SPTBN4: variants seen among roughly 807,000 people sequenced by gnomAD.
SPTBN4 encodes spectrin beta chain, non-erythrocytic 4.
SPTBN4 carries 96 observed loss-of-function variants against 277.8 expected under a neutral mutation model. The ratio of observed to expected loss-of-function variants is 0.35; its 90% CI spans 0.29 to 0.41. The LOEUF is 0.41. Among genes scored for constraint, SPTBN4 ranks in the 10% least tolerant of loss-of-function variants. The probability of loss-of-function intolerance (pLI) is 1.00; values close to 1 mark genes in which losing one functional copy is unlikely to be tolerated. For missense variants in SPTBN4, 3,006 were observed against 3,595.7 expected (o/e 0.84, Z 4.19); for synonymous variants, 1,481 against 1,580.3 (o/e 0.94, Z 1.49).
In SPTBN4 at chr19:40,567,817, C is replaced by G. The variant is rs1279832757; in HGVS notation, c.6491C>G (p.Ala2164Gly). ...ERGLEPLARR[A>G]SDTLSAEVRT... The stretch of plus-strand genomic sequence containing the variant: ...GGCTTGGAGCCCCTGGCCCGCCGAG[C>G]CTCGGACACGCTCTCGGCCGAGGTG... Residue 2164 changes from alanine to glycine, a missense_variant, in exon 31 of 36, where the codon GCC becomes GGC. Coordinates refer to ENST00000598249, the MANE Select transcript of SPTBN4 (RefSeq NM_020971.3). 1 of 1,516,480 alleles carries G rather than the reference C, an allele frequency of 6.6e-7. No individual in the cohort carries two copies. 93.9% of individuals were successfully genotyped at this position (1,516,480 alleles called of 1,614,324 possible).
At chr19:40,505,935 C>T (rs1435749177) in intron 12 of SPTBN4, among the ~76,000 whole-genome samples, 3 of 152,008 alleles carry the variant, frequency 2.0e-5, no homozygotes, top group African/African-American at 7.2e-5. Flanking sequence ...ATGTGGAGTC[C>T]ACGAGAGATG....
rs751529656 is a variant in SPTBN4, at chr19:40,554,671, C to A, written c.5084+25C>A. The A allele has an allele frequency of 2.5e-6, 4 of 1,593,352 alleles. No individual in the cohort carries two copies. The highest frequency in any genetic ancestry group is 3.4e-6 in the Non-Finnish European group (4 of 1,171,216). Reference sequence around the variant, plus strand: ...GGTGGGCGGGCGCGTGGCCAGTTCACAGGAATGGTCCAGCAGGACCTGAAG... The same window carrying A: ...GGTGGGCGGGCGCGTGGCCAGTTCAAAGGAATGGTCCAGCAGGACCTGAAG... On this transcript the variant is annotated intron_variant, in intron 24 of 35. Coordinates refer to ENST00000598249, the MANE Select transcript of SPTBN4 (RefSeq NM_020971.3). The surrounding 1 kb of genome is among the most constrained non-coding windows in gnomAD (Gnocchi z 5.7).
intron 2 of SPTBN4, among the ~76,000 whole-genome samples, chr19:40,478,691 G>T (rs1043899927): frequency 2.0e-5 from 3 of 151,946 alleles, no homozygotes; most frequent in African/African-American, 7.3e-5. Flanking sequence ...TATTACAGGC[G>T]CCCGTCACCA....
chr19:40,503,640 A>T (rs2080288632), intron 11 of SPTBN4, among the ~76,000 whole-genome samples, 190 bp from the exon 12 acceptor site: 1 of 150,744 alleles, frequency 6.6e-6, no homozygotes, highest in Non-Finnish European at 1.5e-5. Flanking sequence ...CCAAGGTAAC[A>T]ATGGAGGGTG....
chr19:40,562,711 G>A (rs527881884), intron 27 of SPTBN4, among the ~76,000 whole-genome samples: 2 of 151,986 alleles, frequency 1.3e-5, no homozygotes, highest in East Asian at 1.9e-4. Context: ...GCACATGCCT[G>A]TAATCCCAGC....
intron 16 of SPTBN4, among the ~76,000 whole-genome samples, chr19:40,522,368 T>TTTTTTTTTG (rs2080537686): frequency 8.6e-6 from 1 of 116,572 alleles, no homozygotes; most frequent in Non-Finnish European, 1.8e-5. Flanking sequence ...TTTTTTTTTT[T>TTTTTTTTTG]GAGATGGGGT....
At chr19:40,496,285 G>C (rs1481911806) in intron 6 of SPTBN4, among the ~76,000 whole-genome samples, 1 of 152,156 alleles carries the variant, frequency 6.6e-6, no homozygotes, top group Non-Finnish European at 1.5e-5. Flanking sequence ...GAGTAGCTAG[G>C]ATTACAGGCG....
rs367981746 is a variant in SPTBN4 at position 40,471,870 on chromosome 19, C to G, written c.-15-737C>G. ...CCTCACACCTCAGCCTCCTGAGTAG[C>G]TGGGATTACAGGCACGTTGCCACCA... is the stretch of plus-strand genomic sequence containing the variant. On this transcript the variant is annotated intron_variant, in intron 1 of 35. Coordinates refer to ENST00000598249, the MANE Select transcript of SPTBN4 (RefSeq NM_020971.3). 1.8e-4 allele frequency among the ~76,000 whole-genome samples: 27 copies of G among 150,364 alleles called. 1 individual carries two copies. In the South Asian group the frequency reaches 5.7e-3, roughly 32 times the overall value.
intron 16 of SPTBN4, 31 bp from the exon 17 acceptor site, chr19:40,523,406 T>C: frequency 6.4e-7 from 1 of 1,561,884 alleles, no homozygotes. Context: ...GGAATGAGGC[T>C]GACCTTTGCA....
rs2080124948 is a variant in SPTBN4 at position 40,490,470 on chromosome 19, T to G, written c.495+222T>G. On this transcript the variant is annotated intron_variant, in intron 4 of 35. Coordinates refer to ENST00000598249, the MANE Select transcript of SPTBN4 (RefSeq NM_020971.3). This position sits in a 1 kb window ranked among gnomAD's most constrained non-coding sequence, Gnocchi z 4.3. ...TGTTCCAAACACTGTTCTAAGCACT[T>G]GACATTTAATACACACAGCAACCCC... Among the ~76,000 whole-genome samples, 1 of 152,162 alleles carries G rather than the reference T, an allele frequency of 6.6e-6. No individual in the cohort carries two copies. The highest frequency in any genetic ancestry group is 2.1e-4 in the South Asian group (1 of 4,832).
At chr19:40,558,282 G>A (rs576367617) in intron 26 of SPTBN4, among the ~76,000 whole-genome samples, 125 of 151,924 alleles carry the variant, frequency 8.2e-4, no homozygotes, top group African/African-American at 2.0e-3. Flanking sequence ...GCTTGAACCC[G>A]GGAGGCGGAG....
rs1456553130 is a variant in SPTBN4 at position 40,504,107 on chromosome 19, T to C, written c.1640T>C (p.Met547Thr). Residue 547 changes from methionine to threonine, a missense_variant, in exon 12 of 36, where the codon ATG becomes ACG. Met to Thr is a moderately conservative substitution (Grantham distance 81). Coordinates refer to ENST00000598249, the MANE Select transcript of SPTBN4 (RefSeq NM_020971.3). ...LQKVFQEMVY[M>T]VDWMEEMQAQ... ...AAGGTCTTCCAGGAGATGGTGTACA[T>C]GGTGGACTGGATGGAGGAGATGCAG... is the stretch of plus-strand genomic sequence containing the variant. 4.5e-6 allele frequency: 6 copies of C among 1,342,360 alleles called. No homozygotes were observed. In the African/African-American group the frequency reaches 7.5e-5, roughly 17 times the overall value. The allele number at this position is 1,342,360 out of a possible 1,614,324, so 83.2% of individuals were successfully genotyped here.
At position 40,557,132 on chromosome 19, in the gene SPTBN4, C is replaced by G. The variant is rs779832414; in HGVS notation, c.5399C>G (p.Thr1800Arg). The G allele has an allele frequency of 3.1e-6, 5 of 1,611,156 alleles. No homozygotes were observed. In the Admixed American group the frequency reaches 8.3e-5, roughly 27 times the overall value. ...MVDELIECGH[T>R]AAATMAEWKD... ...GATGAGCTGATCGAGTGTGGCCATACAGCAGCGGCCACCATGGCCGAGTGG... is the reference window on the plus strand; with the variant it reads ...GATGAGCTGATCGAGTGTGGCCATAGAGCAGCGGCCACCATGGCCGAGTGG... The change falls in exon 26 of 36, where the codon ACA becomes AGA. Residue 1800 changes from threonine to arginine, a missense_variant. Transcript: ENST00000598249.
At chr19:40,497,310 C>T (rs1458027955) in intron 6 of SPTBN4, 179 bp from the exon 7 acceptor site, 6 of 597,016 alleles carry the variant, frequency 1.0e-5, no homozygotes, top group South Asian at 5.8e-5. Flanking sequence ...GACATGCCCG[C>T]GTCCATCACA....
chr19:40,509,596 C>T (rs1252111039), intron 13 of SPTBN4, among the ~76,000 whole-genome samples: 2 of 152,116 alleles, frequency 1.3e-5, no homozygotes, highest in African/African-American at 4.8e-5. Flanking sequence ...TGAGTGCTGA[C>T]GGCAGTTGGG....
chr19:40,519,476 G>A lies in SPTBN4; in HGVS notation c.2979G>A (p.Val993=). 2 of 1,608,180 alleles carry A rather than the reference G, an allele frequency of 1.2e-6. No individual in the cohort carries two copies. The highest frequency in any genetic ancestry group is 2.2e-5 in the South Asian group (2 of 90,306). ...MSAVLLVENH[V]LEVAEVRAQV... ...CGGTGCTGCTGGTGGAGAACCACGT[G>A]CTGGAGGTGGCCGAGGTGCGCGCCC... The change falls in exon 16 of 36, where the codon GTG becomes GTA. Residue 993 remains valine (V), a synonymous_variant. Coordinates refer to ENST00000598249, the MANE Select transcript of SPTBN4 (RefSeq NM_020971.3). This position sits in a 1 kb window ranked among gnomAD's most constrained non-coding sequence, Gnocchi z 5.7.
chr19:40,565,429 G>A lies in SPTBN4; in HGVS notation c.5922G>A (p.Val1974=). ...QIGAADKPRD[V]SSVEVLMNYH... ...TGCCTGCCACCCACTGCAGGGACGT[G>A]TCATCAGTGGAGGTGCTCATGAACT... The change falls in exon 28 of 36, where the codon GTG becomes GTA. Residue 1974 remains valine (V), a synonymous_variant. Transcript: ENST00000598249. 3.1e-6 allele frequency: 5 copies of A among 1,613,354 alleles called. No homozygotes were observed. Among genetic ancestry groups the A allele is most frequent in the South Asian group, 1.1e-5 (1 of 90,970 alleles).
rs1478402569 is a variant in SPTBN4, at chr19:40,567,763, C to T, written c.6437C>T (p.Pro2146Leu). Residue 2146 changes from proline (P) to leucine (L), a missense_variant, in exon 31 of 36, where the codon CCC becomes CTC. This residue lies in a region of SPTBN4 where 630 missense variants were observed against 677.6 expected (regional missense o/e 0.93). Coordinates refer to ENST00000598249, the MANE Select transcript of SPTBN4 (RefSeq NM_020971.3). ...ACGGAACTGGCGGCCAAGGCGGCGCCCCTGCTGCGGCCAGGGGGCTATGAA... is the reference window on the plus strand; with the variant it reads ...ACGGAACTGGCGGCCAAGGCGGCGCTCCTGCTGCGGCCAGGGGGCTATGAA... Reference protein sequence around the residue: ...DPTELAAKAAPLLRPGGYERG... With the variant: ...DPTELAAKAALLLRPGGYERG... The T allele has an allele frequency of 9.1e-6, 14 of 1,540,126 alleles. No individual in the cohort carries two copies. The highest frequency in any genetic ancestry group is 1.2e-5 in the Non-Finnish European group (14 of 1,143,716).
chr19:40,554,462 G>A lies in SPTBN4; in HGVS notation c.4953+37G>A, dbSNP rs747171318. ...CTGGGGGTGCGGAGGGCCTGGGGGCGCTGGAGCCGGGGGCCGCCGCTGCCG... is the reference window on the plus strand; with the variant it reads ...CTGGGGGTGCGGAGGGCCTGGGGGCACTGGAGCCGGGGGCCGCCGCTGCCG... On this transcript the variant is annotated intron_variant, in intron 23 of 35. Coordinates refer to ENST00000598249, the MANE Select transcript of SPTBN4 (RefSeq NM_020971.3). This position sits in a 1 kb window ranked among gnomAD's most constrained non-coding sequence, Gnocchi z 5.7. The A allele has an allele frequency of 3.5e-5, 52 of 1,502,058 alleles. No homozygotes were observed. Among genetic ancestry groups the A allele is most frequent in the Non-Finnish European group, 4.1e-5 (46 of 1,121,972 alleles). 93.0% of individuals were successfully genotyped at this position (1,502,058 alleles called of 1,614,324 possible).
Sources: gnomAD v4.1 joint callset for allele counts (sites outside exome capture counted in the v4.1 genomes callset) on GRCh38, gnomAD v4.1.1 for gene constraint, gnomAD v4.1.1 regional missense constraint, Gnocchi (gnomAD v3.1) non-coding constraint, MANE v1.5 for transcripts, NCBI Gene and HGNC (gene_info 2026-07-23, HGNC 2026-07-21) for gene names.